PLAC1: variants seen among roughly 807,000 people sequenced by gnomAD.
PLAC1 encodes the protein placenta associated 1.
For synonymous variants in PLAC1, 68 were observed against 62.1 expected (o/e 1.09, Z -0.44); for missense variants, 136 against 163.2 (o/e 0.83, Z 0.91).
chrX:134,640,803 A>G (rs1466974924), intron 1 of PLAC1, among the ~76,000 whole-genome samples: 1 of 112,277 alleles, frequency 8.9e-6, no homozygotes, highest in African/African-American at 3.2e-5. Context: ...TGTCAACAAA[A>G]CAACCTTAGA....
chrX:134,575,764 G>GTCTC (rs2077935421), intron 2 of PLAC1, among the ~76,000 whole-genome samples: 1 of 82,387 alleles, frequency 1.2e-5, no homozygotes, highest in African/African-American at 4.3e-5. Context: ...ATAAGACTCC[G>GTCTC]TCTCAAAAAA....
chrX:134,658,481 T>C (rs778926643), upstream of PLAC1: 2 of 112,560 alleles, frequency 1.8e-5, no homozygotes, highest in Admixed American at 1.9e-4. Context: ...TGGTCTGATA[T>C]ATGTGTGTGT....
chrX:134,680,540 A>G (rs867601434), intron 2 of PLAC1, among the ~76,000 whole-genome samples: 12 of 87,187 alleles, frequency 1.4e-4, no homozygotes, highest in South Asian at 6.2e-4. Flanking sequence ...GAACTAAACT[A>G]AACTGAACTA....
At chrX:134,588,567 G>A (rs996407692) in intron 2 of PLAC1, among the ~76,000 whole-genome samples, 3 of 109,950 alleles carry the variant, frequency 2.7e-5, no homozygotes, top group Non-Finnish European at 3.8e-5. Flanking sequence ...GGATGGATGT[G>A]GGGTGAGGGT....
At chrX:134,640,376 G>T (rs909815197) in intron 1 of PLAC1, among the ~76,000 whole-genome samples, 2 of 111,262 alleles carry the variant, frequency 1.8e-5, no homozygotes, top group Non-Finnish European at 3.8e-5. Flanking sequence ...AGGGACTCAA[G>T]CATTTCCCTG....
At chrX:134,605,360 G>C (rs2078117345) in intron 1 of PLAC1, among the ~76,000 whole-genome samples, 2 of 112,084 alleles carry the variant, frequency 1.8e-5, no homozygotes, top group African/African-American at 3.2e-5. Context: ...CACAAGCTCA[G>C]GGATGTCCAT....
chrX:134,621,688 C>T (rs892340078), intron 1 of PLAC1, among the ~76,000 whole-genome samples: 4 of 111,119 alleles, frequency 3.6e-5, no homozygotes, highest in African/African-American at 1.3e-4. Context: ...TAAAATCTGT[C>T]ACCCCCAAAT....
intron 1 of PLAC1, among the ~76,000 whole-genome samples, chrX:134,645,872 T>A (rs765470814): frequency 9.0e-6 from 1 of 111,682 alleles, no homozygotes; most frequent in South Asian, 3.8e-4. Context: ...CCTAGTCCCC[T>A]TCCCCGATGA....
In PLAC1 at chrX:134,632,412, G is replaced by T. The variant is rs756370363; in HGVS notation, c.-131+25916C>A. Among the ~76,000 whole-genome samples the T allele has an allele frequency of 2.7e-5, 3 of 111,609 alleles. No individual in the cohort carries two copies. In the East Asian group the frequency reaches 8.5e-4, roughly 31 times the overall value. On this transcript the variant is annotated intron_variant, in intron 1 of 2. Transcript: ENST00000359237. ...TTTCCTCAGGTCAGTGTTAACTAAG[G>T]TTCCCAAGTCCTGTCTATTCTTCTT...
intron 2 of PLAC1, among the ~76,000 whole-genome samples, chrX:134,727,664 G>T (rs141697924): frequency 4.5e-5 from 5 of 111,923 alleles, no homozygotes; most frequent in Non-Finnish European, 7.5e-5. Flanking sequence ...AACAACAAAC[G>T]CTCAGGAGGA....
intron 2 of PLAC1, among the ~76,000 whole-genome samples, chrX:134,699,509 T>C (rs2078575638): frequency 8.9e-6 from 1 of 112,452 alleles, no homozygotes. Context: ...CGTGAGATGA[T>C]GGATATGTTA....
intron 2 of PLAC1, among the ~76,000 whole-genome samples, chrX:134,701,606 C>T (rs1304270398): frequency 2.7e-5 from 3 of 112,223 alleles, no homozygotes; most frequent in East Asian, 2.8e-4. Flanking sequence ...AAACAAATAA[C>T]GCCATTAAAA....
chrX:134,606,268 T>C (rs1330508711), intron 1 of PLAC1: 2 of 110,716 alleles, frequency 1.8e-5, no homozygotes, highest in African/African-American at 6.6e-5. Context: ...TGTATTTGTG[T>C]AGTTTTTCTA....
intron 2 of PLAC1, among the ~76,000 whole-genome samples, chrX:134,699,790 A>G (rs772095035): frequency 9.0e-6 from 1 of 111,655 alleles, no homozygotes; most frequent in Non-Finnish European, 1.9e-5. Flanking sequence ...TGTTATCCCC[A>G]TCCTGAAATC....
intron 2 of PLAC1, among the ~76,000 whole-genome samples, chrX:134,706,606 C>G (rs901271404): frequency 8.9e-6 from 1 of 112,153 alleles, no homozygotes; most frequent in African/African-American, 3.2e-5. Context: ...ACTGAAATGA[C>G]ACAGATATTA....
At chrX:134,621,995 G>A (rs2078213252) in intron 1 of PLAC1, among the ~76,000 whole-genome samples, 1 of 111,571 alleles carries the variant, frequency 9.0e-6, no homozygotes, top group South Asian at 3.8e-4. Context: ...TGAGTTCAAG[G>A]TGGGCTCAGA....
In PLAC1 at chrX:134,575,768, C is replaced by CA. The variant is rs779874830; in HGVS notation, c.-58-9029dup. Among the ~76,000 whole-genome samples, 484 of 56,294 alleles carry CA rather than the reference C, an allele frequency of 8.6e-3. 4 individuals are homozygous for CA. The highest frequency in any genetic ancestry group is 0.027 in the African/African-American group (341 of 12,543). The allele number at this position is 56,294 out of a possible 115,157, so 48.9% of individuals were successfully genotyped here. On this transcript the variant is annotated intron_variant, in intron 2 of 2. Transcript: ENST00000359237. Reference sequence around the variant, plus strand: ...TGGGCGACAGAATAAGACTCCGTCTCAAAAAAAAAAAAAAAAAAGTAGAAC... The same window carrying CA: ...TGGGCGACAGAATAAGACTCCGTCTCAAAAAAAAAAAAAAAAAAAGTAGAAC...
At chrX:134,640,150 T>A (rs930310474) in intron 1 of PLAC1, among the ~76,000 whole-genome samples, 1 of 111,744 alleles carries the variant, frequency 8.9e-6, no homozygotes, top group Admixed American at 9.5e-5. Context: ...TGAGGAACCA[T>A]CAAACTATTT....
chrX:134,602,988 A>G (rs1439016685), intron 1 of PLAC1, among the ~76,000 whole-genome samples: 2 of 107,253 alleles, frequency 1.9e-5, no homozygotes, highest in African/African-American at 6.8e-5. Flanking sequence ...AAAATCTCAT[A>G]AAATATTGCT....
Sources: allele counts gnomAD v4.1 joint callset (sites outside exome capture counted in the v4.1 genomes callset), GRCh38; gene constraint gnomAD v4.1.1; transcripts MANE v1.5; gene names NCBI Gene and HGNC (gene_info 2026-07-23, HGNC 2026-07-21).